BRAF: variants seen among roughly 807,000 people sequenced by gnomAD.
The protein encoded by BRAF is serine/threonine-protein kinase B-raf.
In BRAF, 16 loss-of-function variants were observed where a neutral mutation model predicts 104.6. The ratio of observed to expected loss-of-function variants is 0.15; its 90% confidence interval spans 0.10 to 0.23. The LOEUF (loss-of-function observed/expected upper bound fraction) is 0.23, where lower values mean the gene tolerates loss of function less well. BRAF is among the 10% of genes least tolerant of loss of function. The pLI is 1.00. For synonymous variants in BRAF, 310 were observed against 341.6 expected (o/e 0.91, Z 1.02); for missense variants, 541 against 937.3 (o/e 0.58, Z 5.52).
At chr7:140,737,517 ACTTATTGATTT>A (rs1430033614) in intron 18 of BRAF, among the ~76,000 whole-genome samples, 1 of 152,108 alleles carries the variant, frequency 6.6e-6, no homozygotes, top group Non-Finnish European at 1.5e-5. Context: ...ATTGTTTGTT[ACTTATTGATTT>A]GGAGGAGTCC....
At position 140,786,292 on chromosome 7, in the gene BRAF, C is replaced by A. The variant is rs533201133; in HGVS notation, c.1178-484G>T. ...GCTTCATGGGTATACAGAAACATAA[C>A]AAAAGAAGGTTTATAACAATGTTTA... On this transcript the variant is annotated intron_variant, in intron 9 of 19. Coordinates refer to ENST00000644969, the MANE Select transcript of BRAF (RefSeq NM_001374258.1). Among the ~76,000 whole-genome samples, 5 of 152,150 alleles carry A rather than the reference C, an allele frequency of 3.3e-5. No individual in the cohort carries two copies. In the East Asian group the frequency reaches 7.7e-4, roughly 23 times the overall value.
At chr7:140,739,686 T>G in intron 18 of BRAF, 126 bp downstream of exon 17, 1 of 1,130,808 alleles carries the variant, frequency 8.8e-7, no homozygotes, top group Non-Finnish European at 1.3e-6. Flanking sequence ...TAATGTGTTT[T>G]CTTGTCTGGA....
intron 1 of BRAF, among the ~76,000 whole-genome samples, chr7:140,921,804 A>G (rs1376084442): frequency 6.6e-6 from 1 of 151,316 alleles, no homozygotes; most frequent in Non-Finnish European, 1.5e-5. Context: ...TTTTATTTAA[A>G]AAAAAAAAAC....
At chr7:140,881,064 A>G (rs1229876009) in intron 1 of BRAF, among the ~76,000 whole-genome samples, 1 of 152,194 alleles carries the variant, frequency 6.6e-6, no homozygotes, top group Non-Finnish European at 1.5e-5. Flanking sequence ...GATTAGTAAT[A>G]TGTTGGAAGG....
chr7:140,729,460 C>T (rs1470782773), intron 19 of BRAF, among the ~76,000 whole-genome samples: 1 of 152,038 alleles, frequency 6.6e-6, no homozygotes, highest in Non-Finnish European at 1.5e-5. Context: ...GCCTGGCCAA[C>T]ATGGCGAAAC....
chr7:140,733,322 C>G (rs1417124795), intron 19 of BRAF: 1 of 151,718 alleles, frequency 6.6e-6, no homozygotes, highest in Non-Finnish European at 1.5e-5. Flanking sequence ...ACTGGAAGAA[C>G]CTTGATCTAT....
intron 1 of BRAF, among the ~76,000 whole-genome samples, chr7:140,886,554 C>T (rs1045586424): frequency 1.3e-5 from 2 of 152,194 alleles, no homozygotes; most frequent in African/African-American, 4.8e-5. Context: ...CAGAGCAGAG[C>T]CTTCACACAT....
chr7:140,833,532 T>A (rs1807012037), intron 3 of BRAF, among the ~76,000 whole-genome samples: 2 of 152,178 alleles, frequency 1.3e-5, no homozygotes, highest in African/African-American at 4.8e-5. Flanking sequence ...TTCCCCATCT[T>A]AATGTGGGAA....
At chr7:140,860,465 G>GAAAAAAAA (rs746617365) in intron 1 of BRAF, among the ~76,000 whole-genome samples, 12 of 62,116 alleles carry the variant, frequency 1.9e-4, no homozygotes, top group Middle Eastern at 9.8e-3. Context: ...CCCATCTCTA[G>GAAAAAAAA]AAAAAAAAAA....
chr7:140,863,808 C>A (rs1004488907), intron 1 of BRAF, among the ~76,000 whole-genome samples: 1 of 152,316 alleles, frequency 6.6e-6, no homozygotes, highest in East Asian at 1.9e-4. Context: ...CTGTAAGTTT[C>A]CTGAGGCCTC....
chr7:140,764,861 T>C (rs1240252054), intron 14 of BRAF, among the ~76,000 whole-genome samples: 2 of 152,160 alleles, frequency 1.3e-5, no homozygotes, highest in Non-Finnish European at 2.9e-5. Flanking sequence ...ATCATGAAAA[T>C]GGCCATATTG....
rs1308272721 is a variant in BRAF, at chr7:140,721,708, C to G, written c.*4786G>C. 1.3e-6 allele frequency: 2 copies of G among 1,529,442 alleles called. No homozygotes were observed. The highest frequency in any genetic ancestry group is 1.4e-5 in the African/African-American group (1 of 72,766). 94.7% of individuals were successfully genotyped at this position (1,529,442 alleles called of 1,614,324 possible). On this transcript the variant is annotated 3_prime_UTR_variant, in exon 20 of 20. Coordinates refer to ENST00000644969, the MANE Select transcript of BRAF (RefSeq NM_001374258.1). ...CCCAGTATAACATTTCAAGGATGTG[C>G]TGGAGACAATACATGGACTTTCTCT...
chr7:140,747,518 G>T, intron 17 of BRAF: 1 of 609,632 alleles, frequency 1.6e-6, no homozygotes, highest in Non-Finnish European at 2.5e-6. Flanking sequence ...GATAATACTT[G>T]TTTCTATATT....
chr7:140,776,495 C>A (rs1800347863), intron 14 of BRAF, among the ~76,000 whole-genome samples: 1 of 152,176 alleles, frequency 6.6e-6, no homozygotes, highest in African/African-American at 2.4e-5. Context: ...GCAGATTTTT[C>A]ACTTTAACTT....
intron 3 of BRAF, among the ~76,000 whole-genome samples, chr7:140,830,282 T>C (rs1182055941): frequency 6.6e-6 from 1 of 152,232 alleles, no homozygotes; most frequent in Non-Finnish European, 1.5e-5. Flanking sequence ...TGGTGTGGAC[T>C]TACTCCTGTA....
At chr7:140,870,477 T>C (rs981033505) in intron 1 of BRAF, among the ~76,000 whole-genome samples, 5 of 152,190 alleles carry the variant, frequency 3.3e-5, no homozygotes, top group Admixed American at 6.5e-5. Context: ...CTATTTACAA[T>C]AGATCTTATC....
intron 1 of BRAF, among the ~76,000 whole-genome samples, chr7:140,891,463 T>A (rs986053511): frequency 1.3e-5 from 2 of 152,236 alleles, no homozygotes; most frequent in African/African-American, 4.8e-5. Context: ...AAATGTTATA[T>A]AAATAGTTGT....
chr7:140,879,752 A>G (rs1057336492), intron 1 of BRAF, among the ~76,000 whole-genome samples: 5 of 147,732 alleles, frequency 3.4e-5, no homozygotes, highest in African/African-American at 7.6e-5. Flanking sequence ...TTTTTTTAAG[A>G]TGGAGTCTTG....
Position 140,723,450 on chromosome 7 carries a change from G to C in BRAF, c.*3044C>G. On this transcript the variant is annotated 3_prime_UTR_variant, in exon 20 of 20. Transcript: ENST00000644969. ...CCCTACTAGATCTCAAATACAATCA[G>C]GGGTGAGATATTCGGGAACCAGAAT... 9.5e-7 allele frequency: 1 copy of C among 1,053,984 alleles called. No homozygotes were observed. The highest frequency in any genetic ancestry group is 1.1e-6 in the Non-Finnish European group (1 of 872,744). 65.3% of individuals were successfully genotyped at this position (1,053,984 alleles called of 1,614,324 possible).
Sources: gnomAD v4.1 joint callset for allele counts (sites outside exome capture counted in the v4.1 genomes callset) on GRCh38, gnomAD v4.1.1 for gene constraint, MANE v1.5 for transcripts, NCBI Gene and HGNC (gene_info 2026-07-23, HGNC 2026-07-21) for gene names.